The following PCDH7 variants were observed in gnomAD, a reference collection of about 807,000 sequenced individuals.
PCDH7 encodes protocadherin-7.
In PCDH7, 17 loss-of-function variants were observed where a neutral mutation model predicts 58.9. The ratio of observed to expected loss-of-function variants is 0.29; its 90% CI spans 0.20 to 0.43. PCDH7 has a LOEUF of 0.43. PCDH7 is among the 20% of genes least tolerant of loss of function. The pLI, the probability that PCDH7 is intolerant of heterozygous loss-of-function variation, is 1.00. For missense variants in PCDH7, 1,274 were observed against 1,441.0 expected, an observed-to-expected ratio of 0.88 and a Z score of 1.88; for synonymous variants, 664 against 616.4, an observed-to-expected ratio of 1.08 and a Z score of -1.14.
chr4:30,969,761 T>A (rs1343660363), intron 3 of PCDH7, among the ~76,000 whole-genome samples: 1 of 152,180 alleles, frequency 6.6e-6, no homozygotes, highest in East Asian at 1.9e-4. Context: ...GGAACAAAAT[T>A]CAAAGTTTTT....
intron 3 of PCDH7, among the ~76,000 whole-genome samples, chr4:30,973,455 A>T (rs1749781240): frequency 6.6e-6 from 1 of 152,230 alleles, no homozygotes; most frequent in Admixed American, 6.5e-5. Context: ...CATTTTTGGA[A>T]TAAAAGACTA....
chr4:30,798,030 G>T (rs561891964), intron 1 of PCDH7, among the ~76,000 whole-genome samples: 1 of 152,308 alleles, frequency 6.6e-6, no homozygotes, highest in African/African-American at 2.4e-5. Flanking sequence ...CTGGAATTCA[G>T]TTGTTACCAA....
At chr4:31,111,521 G>T (rs1716317198) in intron 3 of PCDH7, among the ~76,000 whole-genome samples, 1 of 152,022 alleles carries the variant, frequency 6.6e-6, no homozygotes, top group African/African-American at 2.4e-5. Context: ...TGTTGGCCAG[G>T]CTGGTCTCAA....
intron 3 of PCDH7, among the ~76,000 whole-genome samples, chr4:31,000,555 G>C (rs964352808): frequency 6.6e-6 from 1 of 152,014 alleles, no homozygotes; most frequent in African/African-American, 2.4e-5. Context: ...GAAATTTGTT[G>C]TTTATGGGGA....
rs1714187925 is a variant in PCDH7, at chr4:30,723,846, C to T, written c.2424C>T (p.Thr808=). 1 of 1,613,990 alleles carries T rather than the reference C, an allele frequency of 6.2e-7. No individual in the cohort carries two copies. The highest frequency in any genetic ancestry group is 8.5e-7 in the Non-Finnish European group (1 of 1,180,002). ...TGGTTTCCTTAGTGGGAAAACTCAC[C>T]CAAAAGCATTATGGCTTGCACAGGT... Residue 808 remains threonine (T), a synonymous_variant, in exon 1 of 2, where the codon ACC becomes ACT. Coordinates refer to ENST00000361762, the Ensembl canonical transcript of PCDH7. The surrounding 1 kb of genome is among the most constrained non-coding windows in gnomAD (Gnocchi z 4.6).
At chr4:30,931,739 A>G (rs1336434771) in intron 2 of PCDH7, among the ~76,000 whole-genome samples, 1 of 151,720 alleles carries the variant, frequency 6.6e-6, no homozygotes, top group Non-Finnish European at 1.5e-5. Context: ...TTGTAACATC[A>G]TTATCAGAGG....
chr4:30,732,329 C>T (rs562545749), exon 2 of PCDH7: 13 of 152,208 alleles, frequency 8.5e-5, no homozygotes, highest in East Asian at 1.9e-4. Context: ...AAATAGTAAA[C>T]GTCACTAGAT....
chr4:31,032,668 A>AAGGGAGGGGGGG (rs1755044491), intron 3 of PCDH7, among the ~76,000 whole-genome samples: 1 of 71,174 alleles, frequency 1.4e-5, no homozygotes, highest in African/African-American at 5.0e-5. Flanking sequence ...GGAAGGAAGG[A>AAGGGAGGGGGGG]AGGGAGGGAG....
intron 1 of PCDH7, among the ~76,000 whole-genome samples, chr4:30,911,489 G>T (rs1741763061): frequency 6.6e-6 from 1 of 152,098 alleles, no homozygotes; most frequent in South Asian, 2.1e-4. Flanking sequence ...GAAAAAGTTT[G>T]CCAGACCCTT....
At chr4:31,020,373 C>T (rs1247888668) in intron 3 of PCDH7, among the ~76,000 whole-genome samples, 2 of 152,216 alleles carry the variant, frequency 1.3e-5, no homozygotes, top group East Asian at 1.9e-4. Flanking sequence ...CTCTCTCGCA[C>T]GCGCGTGCAC....
At chr4:30,736,534 TA>T (rs1473203491), downstream of PCDH7, among the ~76,000 whole-genome samples, 22 of 133,240 alleles carry the variant, frequency 1.7e-4, no homozygotes, top group South Asian at 5.1e-4. Flanking sequence ...TATTTTCATT[TA>T]TTTTTTTTTT....
intron 3 of PCDH7, among the ~76,000 whole-genome samples, chr4:31,065,540 G>C (rs1758012516): frequency 1.3e-5 from 2 of 151,880 alleles, no homozygotes. Context: ...GAAAGAAAAT[G>C]TAACATGCAG....
intron 1 of PCDH7, among the ~76,000 whole-genome samples, chr4:30,746,971 G>A (rs1201815809): frequency 6.6e-6 from 1 of 152,150 alleles, no homozygotes; most frequent in Non-Finnish European, 1.5e-5. Flanking sequence ...CACTGGTATA[G>A]TAGTGAATTC....
intron 1 of PCDH7, among the ~76,000 whole-genome samples, chr4:30,910,882 A>T (rs1044656477): frequency 6.6e-6 from 1 of 152,170 alleles, no homozygotes; most frequent in Non-Finnish European, 1.5e-5. Flanking sequence ...AACACTATTC[A>T]CAAGAGTGAA....
chr4:31,058,700 G>T (rs1757447704), intron 3 of PCDH7, among the ~76,000 whole-genome samples: 1 of 151,884 alleles, frequency 6.6e-6, no homozygotes, highest in African/African-American at 2.4e-5. Flanking sequence ...TAATTGCCTG[G>T]CAGTCTTTCA....
intron 2 of PCDH7, among the ~76,000 whole-genome samples, chr4:30,921,733 T>A (rs866868891): frequency 2.8e-4 from 43 of 152,026 alleles, no homozygotes; most frequent in African/African-American, 1.0e-3. Flanking sequence ...AGAGTTACAT[T>A]TTTTTTAGTA....
At chr4:31,085,601 T>C (rs1712305308) in intron 3 of PCDH7, among the ~76,000 whole-genome samples, 1 of 152,174 alleles carries the variant, frequency 6.6e-6, no homozygotes, top group African/African-American at 2.4e-5. Flanking sequence ...TCTCTTTCAC[T>C]GTCTCAGGCA....
At chr4:30,764,942 A>G (rs993417571) in intron 1 of PCDH7, among the ~76,000 whole-genome samples, 3 of 151,826 alleles carry the variant, frequency 2.0e-5, no homozygotes, top group Admixed American at 6.6e-5. Context: ...GATGGTCTCT[A>G]TCTCCTGACG....
chr4:31,016,118 T>C (rs1293377079), intron 3 of PCDH7, among the ~76,000 whole-genome samples: 1 of 152,202 alleles, frequency 6.6e-6, no homozygotes, highest in Non-Finnish European at 1.5e-5. Context: ...AAAAATGTAA[T>C]GAAGTGGTTT....
Sources: gnomAD v4.1 joint callset for allele counts (sites outside exome capture counted in the v4.1 genomes callset) on GRCh38, gnomAD v4.1.1 for gene constraint, Gnocchi (gnomAD v3.1) non-coding constraint, MANE v1.5 for transcripts, NCBI Gene and HGNC (gene_info 2026-07-23, HGNC 2026-07-21) for gene names.